Variants in CCDC83 observed in about 807,000 individuals in gnomAD.
CCDC83 encodes coiled-coil domain containing 83.
Under a neutral mutation model 50.1 loss-of-function variants are expected in CCDC83, and 54 were observed. The ratio of observed to expected loss-of-function variants is 1.08; its 90% confidence interval spans 0.87 to 1.35. The LOEUF (loss-of-function observed/expected upper bound fraction) is 1.35. CCDC83 is among the 40% of genes most tolerant of loss of function. The pLI, the probability that CCDC83 is intolerant of heterozygous loss-of-function variation, is 0.00. For synonymous variants in CCDC83, 161 were observed against 153.3 expected (o/e 1.05, Z -0.37); for missense variants, 518 against 473.9 (o/e 1.09, Z -0.86).
intron 8 of CCDC83, chr11:85,912,603 C>G: frequency 8.8e-7 from 1 of 1,136,710 alleles, no homozygotes; most frequent in South Asian, 1.2e-5. Context: ...TCACTGTTGC[C>G]CAGTAGGCAA....
At chr11:85,860,720 A>T (rs2093171175) in intron 1 of CCDC83, among the ~76,000 whole-genome samples, 1 of 152,242 alleles carries the variant, frequency 6.6e-6, no homozygotes, top group African/African-American at 2.4e-5. Context: ...AGTAGCAAAC[A>T]CATAAAATCA....
chr11:85,917,192 G>GAAAGAAAGAAAGAAAGAAAGAA (rs368407830), intron 10 of CCDC83, among the ~76,000 whole-genome samples: 11 of 79,794 alleles, frequency 1.4e-4, no homozygotes, highest in African/African-American at 5.5e-4. Flanking sequence ...AAGAAAGAAA[G>GAAAGAAAGAAAGAAAGAAAGAA]AGAAAGAAAG....
intron 5 of CCDC83, among the ~76,000 whole-genome samples, chr11:85,886,904 T>C (rs1462713983): frequency 6.6e-6 from 1 of 151,942 alleles, no homozygotes; most frequent in African/African-American, 2.4e-5. Context: ...AGAGCAGACC[T>C]TGTCTCAAAA....
chr11:85,883,422 C>T (rs1295500018), intron 4 of CCDC83, among the ~76,000 whole-genome samples: 1 of 151,862 alleles, frequency 6.6e-6, no homozygotes, highest in East Asian at 1.9e-4. Context: ...GAGCCAAGCA[C>T]CCCATTAGAT....
chr11:85,876,055 C>G (rs1222067224), intron 3 of CCDC83, among the ~76,000 whole-genome samples: 1 of 152,180 alleles, frequency 6.6e-6, no homozygotes. Flanking sequence ...GCAGCCACTT[C>G]CTTTATCTTA....
chr11:85,919,345 A>G lies in CCDC83; in HGVS notation c.1081-4A>G. ...CTATTCTTTTTTGTGCCTGTTCACC[A>G]TAGGATTATGTAAACTTGGGCCCCC... On this transcript the variant is annotated splice_region_variant and splice_polypyrimidine_tract_variant and intron_variant, in intron 10 of 10. Coordinates refer to ENST00000342404, the MANE Select transcript of CCDC83 (RefSeq NM_001286159.2). The G allele has an allele frequency of 6.3e-7, 1 of 1,595,144 alleles. No homozygotes were observed. Among genetic ancestry groups the G allele is most frequent in the Non-Finnish European group, 8.5e-7 (1 of 1,175,264 alleles).
At chr11:85,856,133 G>C (rs1313252168) in intron 1 of CCDC83, among the ~76,000 whole-genome samples, 1 of 145,618 alleles carries the variant, frequency 6.9e-6, no homozygotes. Context: ...CTGGGCAAGA[G>C]AGAGAGTTGA....
chr11:85,913,309 T>C (rs2093463392), intron 8 of CCDC83, among the ~76,000 whole-genome samples: 1 of 152,242 alleles, frequency 6.6e-6, no homozygotes, highest in East Asian at 1.9e-4. Flanking sequence ...TAATGTCTGC[T>C]GCTTTACTAG....
At chr11:85,896,094 T>A (rs1445790223) in intron 6 of CCDC83, among the ~76,000 whole-genome samples, 1 of 152,174 alleles carries the variant, frequency 6.6e-6, no homozygotes, top group African/African-American at 2.4e-5. Context: ...ATATTTGTAT[T>A]ATACCAGTTG....
In CCDC83 at chr11:85,895,395, A is replaced by G; in HGVS notation, c.603+11A>G. On this transcript the variant is annotated intron_variant, in intron 6 of 10. Coordinates refer to ENST00000342404, the MANE Select transcript of CCDC83 (RefSeq NM_001286159.2). ...GAATGGGCCACACAGGTATAATTCA[A>G]TTTTCTTAAAAACAGAACAAAACAA... 1.4e-6 allele frequency: 2 copies of G among 1,481,032 alleles called. No individual in the cohort carries two copies. The highest frequency in any genetic ancestry group is 1.7e-4 in the Middle Eastern group (1 of 5,768). 91.7% of individuals were successfully genotyped at this position (1,481,032 alleles called of 1,614,324 possible). A position where few individuals can be genotyped will look rare whatever the true frequency, so the allele number is the denominator to read the frequency against.
At chr11:85,913,099 G>A (rs2093462415) in intron 8 of CCDC83, among the ~76,000 whole-genome samples, 1 of 152,030 alleles carries the variant, frequency 6.6e-6, no homozygotes, top group African/African-American at 2.4e-5. Context: ...AGTGCTTTAG[G>A]GGCTGGTTTT....
chr11:85,917,743 C>T (rs2093489120), intron 10 of CCDC83, among the ~76,000 whole-genome samples: 1 of 152,168 alleles, frequency 6.6e-6, no homozygotes, highest in African/African-American at 2.4e-5. Flanking sequence ...CTGCTGCCAT[C>T]AAGCGATGAT....
intron 3 of CCDC83, among the ~76,000 whole-genome samples, chr11:85,877,277 C>T (rs894982326): frequency 1.4e-4 from 22 of 152,256 alleles, no homozygotes; most frequent in African/African-American, 5.3e-4. Context: ...TTGAGACCAG[C>T]CTGGGCAACA....
intron 2 of CCDC83, among the ~76,000 whole-genome samples, 166 bp downstream of exon 2, chr11:85,865,384 T>G (rs1265925765): frequency 6.6e-6 from 1 of 152,184 alleles, no homozygotes; most frequent in Non-Finnish European, 1.5e-5. Context: ...TTTTTAAAGG[T>G]TTTTGAAACT....
intron 8 of CCDC83, chr11:85,912,581 AGGG>A (rs1317761422): frequency 2.2e-6 from 2 of 891,370 alleles, no homozygotes; most frequent in Non-Finnish European, 3.8e-6. Flanking sequence ...GAGGGCCCCT[AGGG>A]GTAGGTGCTC....
intron 2 of CCDC83, among the ~76,000 whole-genome samples, chr11:85,870,040 G>A (rs1308780518): frequency 6.6e-6 from 1 of 152,226 alleles, no homozygotes; most frequent in Non-Finnish European, 1.5e-5. Context: ...AAATGGACAA[G>A]AGACAAAGCC....
At chr11:85,911,208 AAAAT>A (rs994607733) in intron 7 of CCDC83, 69 bp from the exon 8 acceptor site, 11 of 1,261,126 alleles carry the variant, frequency 8.7e-6, no homozygotes, top group Non-Finnish European at 1.2e-5. Flanking sequence ...AAAAAAGAAA[AAAAT>A]AAAGAAAAGA....
intron 10 of CCDC83, among the ~76,000 whole-genome samples, chr11:85,917,151 AGAGAGAGAGAG>A (rs2093481414): frequency 1.0e-5 from 1 of 97,514 alleles, no homozygotes; most frequent in Non-Finnish European, 2.1e-5. Context: ...AGAGAGAGAG[AGAGAGAGAGAG>A]AGAGAGAAAG....
At position 85,889,601 on chromosome 11, in the gene CCDC83, A is replaced by G. The variant is rs115543729; in HGVS notation, c.511+3234A>G. Among the ~76,000 whole-genome samples the G allele has an allele frequency of 3.7e-3, 571 of 152,318 alleles. 5 individuals are homozygous for G. Among genetic ancestry groups the G allele is most frequent in the African/African-American group, 0.013 (535 of 41,582 alleles). ...CTATTAGAACATGTTGGGGACCACT[A>G]ACTGGACACAATGAATATGAGCAAG... On this transcript the variant is annotated intron_variant, in intron 5 of 10. Coordinates refer to ENST00000342404, the MANE Select transcript of CCDC83 (RefSeq NM_001286159.2).
Sources: gnomAD v4.1 joint callset for allele counts (sites outside exome capture counted in the v4.1 genomes callset) on GRCh38, gnomAD v4.1.1 for gene constraint, MANE v1.5 for transcripts, NCBI Gene and HGNC (gene_info 2026-07-23, HGNC 2026-07-21) for gene names.